The following ZSWIM5 variants were observed in gnomAD, a reference collection of about 807,000 sequenced individuals.
ZSWIM5 encodes the protein zinc finger SWIM domain-containing protein 5.
Under a neutral mutation model 119.6 loss-of-function variants are expected in ZSWIM5, and 55 were observed. The observed-to-expected ratio is 0.46, with a 90% CI of 0.37 to 0.58. ZSWIM5 has a LOEUF of 0.58. Among genes scored for constraint, ZSWIM5 ranks in the 20% least tolerant of loss-of-function variants. The pLI is 0.00. For missense variants in ZSWIM5, 1,193 were observed against 1,512.8 expected (o/e 0.79, Z 3.51); for synonymous variants, 537 against 606.9 (o/e 0.88, Z 1.69).
chr1:45,134,487 T>C (rs1454895685), intron 1 of ZSWIM5, among the ~76,000 whole-genome samples: 1 of 152,184 alleles, frequency 6.6e-6, no homozygotes, highest in Non-Finnish European at 1.5e-5. Flanking sequence ...GAAAAGTTAA[T>C]GAATAATCTT....
At chr1:45,039,680 T>C (rs531429267) in intron 7 of ZSWIM5, among the ~76,000 whole-genome samples, 32 of 152,184 alleles carry the variant, frequency 2.1e-4, no homozygotes, top group Non-Finnish European at 3.7e-4. Context: ...CCACTGTGCC[T>C]GGCATATTTA....
At position 45,091,947 on chromosome 1, in the gene ZSWIM5, C is replaced by A. The variant is rs548024763; in HGVS notation, c.596-3710G>T. On this transcript the variant is annotated intron_variant, in intron 1 of 13. Coordinates refer to ENST00000359600, the MANE Select transcript of ZSWIM5 (RefSeq NM_020883.2). ...CATCACTATGTTATAAAAAAAAAAA[C>A]AAACCACGCTGGTTGTGTATTTACA... Among the ~76,000 whole-genome samples, 33 of 150,988 alleles carry A rather than the reference C, an allele frequency of 2.2e-4. No homozygotes were observed. The East Asian group carries it at 3.9e-3, about 18-fold the overall frequency.
chr1:45,205,860 A>G lies in ZSWIM5; in HGVS notation c.491T>C (p.Leu164Pro). Reference sequence around the variant, plus strand: ...GCCGGCCGCGCCGGCCCCTGCGCCCAGCCCGGGGGATGCCCCAGCCGCGAC... The same window carrying G: ...GCCGGCCGCGCCGGCCCCTGCGCCCGGCCCGGGGGATGCCCCAGCCGCGAC... ...GGVAAGASPG[L>P]GAGAGAAGCG... The change falls in exon 1 of 14, where the codon CTG (leucine) becomes CCG (proline). Residue 164 changes from leucine (L) to proline (P), a missense_variant. Leu to Pro is a moderately conservative substitution (Grantham distance 98, BLOSUM62 -3). Coordinates refer to ENST00000359600, the MANE Select transcript of ZSWIM5 (RefSeq NM_020883.2). The G allele has an allele frequency of 7.2e-7, 1 of 1,390,606 alleles. No homozygotes were observed. The highest frequency in any genetic ancestry group is 9.4e-7 in the Non-Finnish European group (1 of 1,067,332). The allele number at this position is 1,390,606 out of a possible 1,614,324, so 86.1% of individuals were successfully genotyped here.
chr1:45,122,540 G>A (rs535595121), intron 1 of ZSWIM5, among the ~76,000 whole-genome samples: 3 of 152,028 alleles, frequency 2.0e-5, no homozygotes, highest in Non-Finnish European at 4.4e-5. Context: ...GAAAGGTGGA[G>A]GGCAGAAGGC....
At chr1:45,103,140 T>C (rs1454328843) in intron 1 of ZSWIM5, among the ~76,000 whole-genome samples, 1 of 152,198 alleles carries the variant, frequency 6.6e-6, no homozygotes, top group Non-Finnish European at 1.5e-5. Flanking sequence ...AGTGCTGAGA[T>C]TGAAGGTGTG....
intron 1 of ZSWIM5, among the ~76,000 whole-genome samples, chr1:45,128,505 T>C (rs1163470038): frequency 4.6e-5 from 7 of 152,184 alleles, no homozygotes; most frequent in Non-Finnish European, 7.3e-5. Context: ...GGCCCACTAT[T>C]TTAAGAGTTG....
Position 45,040,443 on chromosome 1 carries a change from G to A in ZSWIM5, c.1705C>T (p.Leu569=). ...AGTTGCCGCTGCTGCTGCAACCTCA[G>A]AGTATTAATAATGGCCACTGTGAGT... The part of the protein sequence containing the change: ...LRLTVAIINT[L]RLQQQRQLEI... Residue 569 remains leucine, a synonymous_variant, in exon 7 of 14, where the codon CTG becomes TTG. Coordinates refer to ENST00000359600, the MANE Select transcript of ZSWIM5 (RefSeq NM_020883.2). The A allele has an allele frequency of 6.2e-7, 1 of 1,611,592 alleles. No individual in the cohort carries two copies. The highest frequency in any genetic ancestry group is 8.5e-7 in the Non-Finnish European group (1 of 1,178,938).
chr1:45,050,968 GC>G (rs2148997129), intron 5 of ZSWIM5, 105 bp downstream of exon 5: 1 of 1,104,564 alleles, frequency 9.1e-7, no homozygotes, highest in East Asian at 2.6e-5. Context: ...ATTTAGAATG[GC>G]AATTCTGACA....
intron 1 of ZSWIM5, among the ~76,000 whole-genome samples, chr1:45,181,100 T>C (rs995145860): frequency 1.3e-5 from 2 of 151,316 alleles, no homozygotes; most frequent in African/African-American, 2.4e-5. Flanking sequence ...CTTTGACGAG[T>C]TGAGAAAAGA....
rs184467078 is a variant in ZSWIM5 at position 45,055,317 on chromosome 1, G to C, written c.1252+3292C>G. The stretch of plus-strand genomic sequence containing the variant: ...TTTTTTGTATTTTTAGTAGAGACAG[G>C]GTTTCACCATGTTGGCCAGGCTTGT... On this transcript the variant is annotated intron_variant, in intron 4 of 13. Transcript: ENST00000359600. 6.7e-3 allele frequency among the ~76,000 whole-genome samples: 1,021 copies of C among 152,140 alleles called. 7 individuals are homozygous for C. The highest frequency in any genetic ancestry group is 9.5e-3 in the Non-Finnish European group (648 of 67,994).
chr1:45,030,798 C>CTTTTTTTTTT (rs56045429), intron 11 of ZSWIM5, among the ~76,000 whole-genome samples: 1 of 133,106 alleles, frequency 7.5e-6, no homozygotes, highest in Non-Finnish European at 1.6e-5. Context: ...TTCATTCTTT[C>CTTTTTTTTTT]TTTTTTTTTT....
intron 1 of ZSWIM5, among the ~76,000 whole-genome samples, chr1:45,198,524 A>C (rs1037826475): frequency 3.3e-5 from 5 of 152,220 alleles, no homozygotes; most frequent in African/African-American, 1.2e-4. Context: ...AGTTAGCCAA[A>C]GCATTAGCAG....
At chr1:45,170,611 T>C (rs1211506924) in intron 1 of ZSWIM5, among the ~76,000 whole-genome samples, 1 of 150,876 alleles carries the variant, frequency 6.6e-6, no homozygotes, top group Non-Finnish European at 1.5e-5. Flanking sequence ...TTTCCTTTTG[T>C]AGAGACAGAG....
chr1:45,104,863 C>T (rs564558855), intron 1 of ZSWIM5, among the ~76,000 whole-genome samples: 1 of 152,346 alleles, frequency 6.6e-6, no homozygotes, highest in Admixed American at 6.5e-5. Flanking sequence ...TCTCTGTTCT[C>T]CATCTGTACC....
At chr1:45,080,378 G>A (rs1187264300) in intron 2 of ZSWIM5, among the ~76,000 whole-genome samples, 10 of 152,184 alleles carry the variant, frequency 6.6e-5, no homozygotes. Context: ...TGTCAGCTGA[G>A]TTTGGTCTGG....
chr1:45,181,596 C>A (rs180743151), intron 1 of ZSWIM5, among the ~76,000 whole-genome samples: 51 of 152,080 alleles, frequency 3.4e-4, no homozygotes, highest in African/African-American at 1.0e-3. Context: ...CAAAGATACT[C>A]CTCGAGAAGA....
intron 1 of ZSWIM5, among the ~76,000 whole-genome samples, chr1:45,097,415 T>C (rs78838505): frequency 0.021 from 3,126 of 152,260 alleles, 111 homozygotes; most frequent in African/African-American, 0.072. Context: ...AAATGAATCA[T>C]AGTAAGTGAA....
intron 1 of ZSWIM5, among the ~76,000 whole-genome samples, chr1:45,113,533 T>G (rs1197925916): frequency 6.6e-6 from 1 of 152,206 alleles, no homozygotes; most frequent in Non-Finnish European, 1.5e-5. Context: ...GGAAATGTCA[T>G]GATCAGATCT....
At chr1:45,169,077 T>C (rs751981841) in intron 1 of ZSWIM5, among the ~76,000 whole-genome samples, 1 of 152,094 alleles carries the variant, frequency 6.6e-6, no homozygotes, top group Non-Finnish European at 1.5e-5. Flanking sequence ...AATGCCCATC[T>C]CTTACGCACT....
Sources: allele counts gnomAD v4.1 joint callset (sites outside exome capture counted in the v4.1 genomes callset), GRCh38; gene constraint gnomAD v4.1.1; transcripts MANE v1.5; gene names NCBI Gene and HGNC (gene_info 2026-07-23, HGNC 2026-07-21).